Variants in DENND2B observed in about 807,000 individuals in gnomAD.
The protein encoded by DENND2B is DENN domain-containing protein 2B.
Under a neutral mutation model 116.0 loss-of-function variants are expected in DENND2B, and 32 were observed. The observed-to-expected ratio is 0.28, with a 90% CI of 0.21 to 0.37. The LOEUF is 0.37. Among genes scored for constraint, DENND2B ranks in the 10% least tolerant of loss-of-function variants. DENND2B has a pLI of 1.00. For synonymous variants in DENND2B, 588 were observed against 583.9 expected (o/e 1.01, Z -0.10); for missense variants, 1,276 against 1,477.7 (o/e 0.86, Z 2.24).
intron 2 of DENND2B, among the ~76,000 whole-genome samples, chr11:8,857,675 C>T (rs1223451514): frequency 6.6e-6 from 1 of 152,170 alleles, no homozygotes; most frequent in African/African-American, 2.4e-5. Flanking sequence ...TACTCCCCAA[C>T]CCCCAGAGTC....
At chr11:8,711,583 G>A (rs1006642030) in intron 9 of DENND2B, among the ~76,000 whole-genome samples, 7 of 151,938 alleles carry the variant, frequency 4.6e-5, no homozygotes, top group African/African-American at 1.7e-4. Context: ...AATAAGCAGG[G>A]TGGCCGGGCG....
intron 8 of DENND2B, among the ~76,000 whole-genome samples, chr11:8,713,164 A>G (rs905056100): frequency 6.6e-6 from 1 of 152,206 alleles, no homozygotes; most frequent in Non-Finnish European, 1.5e-5. Flanking sequence ...ATAATCATCC[A>G]GGAAGGCCTA....
chr11:8,897,083 C>A (rs2064111192), intron 1 of DENND2B, among the ~76,000 whole-genome samples: 2 of 142,384 alleles, frequency 1.4e-5, no homozygotes, highest in Non-Finnish European at 3.2e-5. Flanking sequence ...ACAAAAAATA[C>A]AAAAAAAATT....
At position 8,849,546 on chromosome 11, in the gene DENND2B, A is replaced by G. The variant is rs150904201; in HGVS notation, c.-156+7797T>C. Among the ~76,000 whole-genome samples, 643 of 144,202 alleles carry G rather than the reference A, an allele frequency of 4.5e-3. 8 individuals carry two copies. The highest frequency in any genetic ancestry group is 0.015 in the African/African-American group (609 of 39,306). The allele number at this position is 144,202 out of a possible 152,430, so 94.6% of individuals were successfully genotyped here. On this transcript the variant is annotated intron_variant, in intron 3 of 6. Transcript: ENST00000524757. ...AAAGACTGAAGAGACTGATAAGGCCAGGCATGGTGGCTCATATCTGTAATC... is the reference window on the plus strand; with the variant it reads ...AAAGACTGAAGAGACTGATAAGGCCGGGCATGGTGGCTCATATCTGTAATC...
rs546929210 is a variant in DENND2B at position 8,801,601 on chromosome 11, C to T, written c.-26+8916G>A. On this transcript the variant is annotated intron_variant, in intron 1 of 19. Transcript: ENST00000313726. ...CTGAGACAGGAGAATTACTTGAATC[C>T]GGAAGGTAGAGGTTGCAGTGAGCCG... 4.0e-5 allele frequency among the ~76,000 whole-genome samples: 6 copies of T among 150,590 alleles called. No individual in the cohort carries two copies. The East Asian group carries it at 5.9e-4, about 15-fold the overall frequency.
At chr11:8,696,985 C>G (rs923145393) in intron 17 of DENND2B, among the ~76,000 whole-genome samples, 3 of 152,170 alleles carry the variant, frequency 2.0e-5, no homozygotes, top group Non-Finnish European at 4.4e-5. Flanking sequence ...AGGCTGGTCT[C>G]GAACTCCTGA....
chr11:8,729,136 A>T (rs2047636277), intron 3 of DENND2B, among the ~76,000 whole-genome samples: 1 of 152,234 alleles, frequency 6.6e-6, no homozygotes. Flanking sequence ...GAAGTGAAAC[A>T]AACCTGAATA....
At chr11:8,743,560 A>T (rs35098775) in intron 2 of DENND2B, among the ~76,000 whole-genome samples, 42,706 of 151,526 alleles carry the variant, frequency 0.28, 6,421 homozygotes, top group Middle Eastern at 0.42. Flanking sequence ...AAAAAAAAAA[A>T]TTTTTTTTTT....
chr11:8,902,296 A>C (rs1566093251), intron 1 of DENND2B, among the ~76,000 whole-genome samples: 1 of 150,454 alleles, frequency 6.6e-6, no homozygotes, highest in Non-Finnish European at 1.5e-5. Context: ...ACTGCACTCC[A>C]GTGTAGGTGA....
intron 3 of DENND2B, among the ~76,000 whole-genome samples, chr11:8,848,209 A>G (rs946921234): frequency 1.3e-5 from 2 of 152,222 alleles, no homozygotes; most frequent in African/African-American, 4.8e-5. Flanking sequence ...AGACTCTTTG[A>G]GCAAGTGAAA....
At chr11:8,880,850 C>CAACT (rs2063897188) in intron 2 of DENND2B, among the ~76,000 whole-genome samples, 1 of 152,178 alleles carries the variant, frequency 6.6e-6, no homozygotes, top group Non-Finnish European at 1.5e-5. Context: ...CCAAAACTTC[C>CAACT]AACTACTCAC....
Position 8,707,071 on chromosome 11 carries a change from G to A in DENND2B, c.2571+14C>T, listed in dbSNP as rs1488458048. 9.3e-6 allele frequency: 15 copies of A among 1,609,350 alleles called. No individual in the cohort carries two copies. The highest frequency in any genetic ancestry group is 1.3e-5 in the Non-Finnish European group (15 of 1,177,166). ...AGCCCGTAGCCCGAGAGAAGAGGGT[G>A]CAGAAATCCCTACCTCATTGCCAGC... On this transcript the variant is annotated intron_variant, in intron 13 of 19. Coordinates refer to ENST00000313726, the MANE Select transcript of DENND2B (RefSeq NM_213618.2). The surrounding 1 kb of genome is among the most constrained non-coding windows in gnomAD (Gnocchi z 4.8).
chr11:8,738,261 C>A (rs1369337783), intron 2 of DENND2B, among the ~76,000 whole-genome samples: 1 of 152,198 alleles, frequency 6.6e-6, no homozygotes, highest in Non-Finnish European at 1.5e-5. Context: ...CTGCTTTACG[C>A]TTCAGTTGAT....
intron 1 of DENND2B, among the ~76,000 whole-genome samples, chr11:8,903,785 TG>T (rs771325367): frequency 3.8e-4 from 56 of 146,224 alleles, no homozygotes; most frequent in Middle Eastern, 3.8e-3. Context: ...GCTACTCGAG[TG>T]GCTAAGGTGG....
chr11:8,851,200 A>C (rs1210931837), intron 3 of DENND2B, among the ~76,000 whole-genome samples: 1 of 152,134 alleles, frequency 6.6e-6, no homozygotes, highest in Non-Finnish European at 1.5e-5. Context: ...CCCTCAAAAA[A>C]ACATAGGTAT....
chr11:8,717,331 T>C (rs2045070742), intron 5 of DENND2B, among the ~76,000 whole-genome samples: 1 of 152,222 alleles, frequency 6.6e-6, no homozygotes, highest in Non-Finnish European at 1.5e-5. Context: ...CTGAGATGAC[T>C]TCTGGCAGAG....
Position 8,818,275 on chromosome 11 carries a change from T to TAAC in DENND2B, c.-114-6941_-114-6940insGTT, listed in dbSNP as rs1436886762. On this transcript the variant is annotated intron_variant, in intron 4 of 6. Coordinates refer to the DENND2B transcript ENST00000524757. The stretch of plus-strand genomic sequence containing the variant: ...GAGACTCTGTCTCTAATAATAATAA[T>TAAC]AATAATAATAGGCTTTCCAAGCTTA... Among the ~76,000 whole-genome samples, 8 of 149,288 alleles carry TAAC rather than the reference T, an allele frequency of 5.4e-5. No homozygotes were observed. In the South Asian group the frequency reaches 1.5e-3, roughly 28 times the overall value.
chr11:8,904,668 T>C (rs927031006), intron 1 of DENND2B, among the ~76,000 whole-genome samples: 1 of 152,158 alleles, frequency 6.6e-6, no homozygotes, highest in African/African-American at 2.4e-5. Context: ...CAGAAAATCC[T>C]AAAGAATCCA....
intron 1 of DENND2B, among the ~76,000 whole-genome samples, chr11:8,773,582 G>A (rs1325657931): frequency 1.3e-5 from 2 of 152,256 alleles, no homozygotes; most frequent in Non-Finnish European, 1.5e-5. Context: ...AGAAAGTGGG[G>A]CATTTGACTC....
Sources: allele counts gnomAD v4.1 joint callset (sites outside exome capture counted in the v4.1 genomes callset), GRCh38; gene constraint gnomAD v4.1.1; non-coding constraint Gnocchi (gnomAD v3.1); transcripts MANE v1.5; gene names NCBI Gene and HGNC (gene_info 2026-07-23, HGNC 2026-07-21).